HACD3: variants seen among roughly 807,000 people sequenced by gnomAD.
HACD3 encodes 3-hydroxyacyl-CoA dehydratase 3.
In HACD3, 30 loss-of-function variants were observed where a neutral mutation model predicts 55.2. The observed-to-expected ratio is 0.54, with a 90% CI of 0.41 to 0.74. HACD3 has a LOEUF of 0.74. HACD3 is among the 30% of genes least tolerant of loss of function. The pLI, the probability that HACD3 is intolerant of heterozygous loss-of-function variation, is 0.00. For synonymous variants in HACD3, 141 were observed against 151.7 expected (o/e 0.93, Z 0.52); for missense variants, 363 against 440.1 (o/e 0.82, Z 1.57).
At chr15:65,549,426 G>GAAAAAAAA (rs34149100) in intron 1 of HACD3, among the ~76,000 whole-genome samples, 45 of 111,048 alleles carry the variant, frequency 4.1e-4, no homozygotes, top group African/African-American at 1.4e-3. Flanking sequence ...TCTCTGCTGG[G>GAAAAAAAA]AAAAAAAAAA....
At chr15:65,554,591 C>T (rs1234757824) in intron 2 of HACD3, among the ~76,000 whole-genome samples, 3 of 152,066 alleles carry the variant, frequency 2.0e-5, no homozygotes, top group Non-Finnish European at 2.9e-5. Context: ...CTGGTTAACA[C>T]GGTGAAACCC....
At chr15:65,562,723 C>T in intron 5 of HACD3, 51 bp from the exon 6 acceptor site, 2 of 1,589,802 alleles carry the variant, frequency 1.3e-6, no homozygotes, top group Non-Finnish European at 8.6e-7. Flanking sequence ...ACACCTGTCT[C>T]CTGCTGGGAC....
chr15:65,564,224 A>G lies in HACD3; in HGVS notation c.542A>G (p.Tyr181Cys). The change falls in exon 7 of 11, where the codon TAT becomes TGT. Residue 181 changes from tyrosine to cysteine, a missense_variant. Physicochemically the swap from Tyr to Cys is radical, Grantham distance 194. Transcript: ENST00000261875. ...ATATTTTTGCCTATAGAGTCCTTTT[A>G]TGACACATTCCATACTGTGGCTGAC... is the stretch of plus-strand genomic sequence containing the variant. ...RFCILGKESF[Y>C]DTFHTVADMM... The G allele has an allele frequency of 6.2e-7, 1 of 1,613,480 alleles. No individual in the cohort carries two copies. Among genetic ancestry groups the G allele is most frequent in the Non-Finnish European group, 8.5e-7 (1 of 1,179,678 alleles).
intron 5 of HACD3, among the ~76,000 whole-genome samples, 178 bp from the exon 6 acceptor site, chr15:65,562,596 A>C (rs755929663): frequency 6.6e-6 from 1 of 152,018 alleles, no homozygotes; most frequent in Non-Finnish European, 1.5e-5. Context: ...TGTTCCTTGT[A>C]TGTTTCTCTG....
chr15:65,568,891 CT>C (rs1454056695), intron 7 of HACD3, among the ~76,000 whole-genome samples: 3 of 152,104 alleles, frequency 2.0e-5, no homozygotes, highest in African/African-American at 7.2e-5. Flanking sequence ...AATAGAATGT[CT>C]ATCATATATT....
chr15:65,562,398 C>T (rs1596215305), intron 5 of HACD3, among the ~76,000 whole-genome samples: 1 of 150,792 alleles, frequency 6.6e-6, no homozygotes, highest in Middle Eastern at 3.4e-3. Context: ...AACATTATAA[C>T]AAAAAACTGT....
Position 65,572,356 on chromosome 15 carries a change from G to A in HACD3, c.1002G>A (p.Met334Ile), listed in dbSNP as rs756425080. The A allele has an allele frequency of 6.2e-7, 1 of 1,602,570 alleles. No homozygotes were observed. The highest frequency in any genetic ancestry group is 1.1e-5 in the South Asian group (1 of 89,456). The change falls in exon 10 of 11, where the codon ATG (methionine) becomes ATA (isoleucine). Residue 334 changes from methionine (M) to isoleucine (I), a missense_variant. Met to Ile is a conservative substitution (Grantham distance 10). Transcript: ENST00000261875. ...FSFFLQIYLI[M>I]IFLGLYINFR... ...TTTTTCTTCAGATTTATCTTATAAT[G>A]ATATTTTTAGGTAAGTATTGATTCT...
chr15:65,560,194 A>G (rs531171970), intron 5 of HACD3, among the ~76,000 whole-genome samples: 140 of 152,054 alleles, frequency 9.2e-4, no homozygotes, highest in African/African-American at 3.1e-3. Flanking sequence ...CTTTTGATTG[A>G]CCACATTATT....
chr15:65,549,424 GGGAAAAAAAAAA>G (rs1488925929), intron 1 of HACD3, among the ~76,000 whole-genome samples: 63 of 74,138 alleles, frequency 8.5e-4, no homozygotes, highest in African/African-American at 3.6e-3. Flanking sequence ...CATCTCTGCT[GGGAAAAAAAAAA>G]AAAAAAAAAA....
intron 1 of HACD3, among the ~76,000 whole-genome samples, chr15:65,550,561 G>A (rs1448167714): frequency 6.6e-6 from 1 of 152,212 alleles, no homozygotes; most frequent in African/African-American, 2.4e-5. Flanking sequence ...TCACCTGGAA[G>A]TTCTACCAAG....
chr15:65,532,397 G>A (rs1472563138), intron 1 of HACD3, among the ~76,000 whole-genome samples: 4 of 152,080 alleles, frequency 2.6e-5, no homozygotes, highest in Non-Finnish European at 5.9e-5. Context: ...AGGCCGAGGC[G>A]GGAGGATCAC....
intron 1 of HACD3, among the ~76,000 whole-genome samples, chr15:65,531,595 C>T (rs781748549): frequency 2.0e-5 from 3 of 151,328 alleles, no homozygotes; most frequent in South Asian, 2.1e-4. Context: ...GACGGTGTTT[C>T]GCTCTTGTCG....
In HACD3 at chr15:65,530,733, G is replaced by T. The variant is rs765358702; in HGVS notation, c.87+15G>T. On this transcript the variant is annotated intron_variant, in intron 1 of 10. Transcript: ENST00000261875. Reference sequence around the variant, plus strand: ...GTGACGTACAGGTAAAGGCCGGGTCGGGCGGCGGGAAGCGCGCGGGATCGC... The same window carrying T: ...GTGACGTACAGGTAAAGGCCGGGTCTGGCGGCGGGAAGCGCGCGGGATCGC... 8 of 1,536,788 alleles carry T rather than the reference G, an allele frequency of 5.2e-6. No individual in the cohort carries two copies. The highest frequency in any genetic ancestry group is 7.0e-6 in the Non-Finnish European group (8 of 1,140,244).
chr15:65,555,097 A>G (rs2072175913), intron 3 of HACD3, 137 bp downstream of exon 3: 4 of 704,518 alleles, frequency 5.7e-6, no homozygotes, highest in Non-Finnish European at 9.4e-6. Context: ...TATTTGGAAC[A>G]GAGCCCAGGT....
chr15:65,576,093 C>CAATA (rs2072398213), intron 10 of HACD3, among the ~76,000 whole-genome samples: 3 of 152,166 alleles, frequency 2.0e-5, no homozygotes, highest in South Asian at 2.1e-4. Flanking sequence ...GACCCTGTCG[C>CAATA]AATAAATAAA....
intron 1 of HACD3, among the ~76,000 whole-genome samples, chr15:65,538,975 AAT>A (rs1318496227): frequency 6.6e-6 from 1 of 152,206 alleles, no homozygotes; most frequent in Non-Finnish European, 1.5e-5. Flanking sequence ...CTGCATACTT[AAT>A]AGACTATAGT....
chr15:65,556,625 C>A, intron 3 of HACD3, 114 bp from the exon 4 acceptor site: 2 of 1,139,638 alleles, frequency 1.8e-6, no homozygotes, highest in Non-Finnish European at 2.4e-6. Context: ...CTTGCAGGAC[C>A]AGAGAAAGAA....
intron 1 of HACD3, among the ~76,000 whole-genome samples, chr15:65,547,603 C>G (rs1452781143): frequency 1.3e-5 from 2 of 152,214 alleles, no homozygotes; most frequent in Non-Finnish European, 2.9e-5. Flanking sequence ...TAGATAGATG[C>G]CAGCCAAAGG....
chr15:65,552,104 A>C (rs1436375244), intron 2 of HACD3, among the ~76,000 whole-genome samples: 1 of 152,164 alleles, frequency 6.6e-6, no homozygotes, highest in Non-Finnish European at 1.5e-5. Context: ...GTGGACACCA[A>C]ATAATGTTTC....
Sources: allele counts gnomAD v4.1 joint callset (sites outside exome capture counted in the v4.1 genomes callset), GRCh38; gene constraint gnomAD v4.1.1; transcripts MANE v1.5; gene names NCBI Gene and HGNC (gene_info 2026-07-23, HGNC 2026-07-21).